ORC5: variants seen among roughly 807,000 people sequenced by gnomAD.
ORC5 encodes protein phosphatase 1, regulatory subunit 117.
A neutral mutation model predicts 58.8 loss-of-function variants in ORC5; 39 were observed. That is an observed-to-expected ratio of 0.66 (90% CI 0.51 to 0.87). The LOEUF (loss-of-function observed/expected upper bound fraction) is 0.87, where lower values mean the gene tolerates loss of function less well. Ranked by LOEUF, ORC5 falls within the 40% of genes least tolerant of loss-of-function variation. The pLI is 0.00. For synonymous variants in ORC5, 218 were observed against 177.6 expected, an observed-to-expected ratio of 1.23 and a Z score of -1.81; for missense variants, 493 against 506.3, an observed-to-expected ratio of 0.97 and a Z score of 0.25.
intron 12 of ORC5, among the ~76,000 whole-genome samples, chr7:104,137,776 C>T (rs1046283625): frequency 1.6e-4 from 24 of 152,286 alleles, no homozygotes; most frequent in African/African-American, 5.3e-4. Flanking sequence ...CATCCTCCTT[C>T]GGGCTCCCCA....
At chr7:104,195,942 T>C (rs1278624354) in intron 4 of ORC5, among the ~76,000 whole-genome samples, 1 of 152,186 alleles carries the variant, frequency 6.6e-6, no homozygotes, top group Non-Finnish European at 1.5e-5. Context: ...ATATCCACCA[T>C]ATTTTAAACT....
intron 8 of ORC5, among the ~76,000 whole-genome samples, chr7:104,175,362 T>C (rs1442702093): frequency 6.6e-6 from 1 of 152,236 alleles, no homozygotes; most frequent in African/African-American, 2.4e-5. Context: ...ACTTTGAATC[T>C]AGTAACTTTT....
rs367773103 is a variant in ORC5 at position 104,196,001 on chromosome 7, T to G, written c.442-747A>C. On this transcript the variant is annotated intron_variant, in intron 4 of 13. Transcript: ENST00000297431. Reference sequence around the variant, plus strand: ...AACATAAAAAAATGAGAAATGCTTTTGCCAGATTTCTCTTAAATGAAATAC... The same window carrying G: ...AACATAAAAAAATGAGAAATGCTTTGGCCAGATTTCTCTTAAATGAAATAC... 4.6e-5 allele frequency among the ~76,000 whole-genome samples: 7 copies of G among 152,364 alleles called. No homozygotes were observed. In the East Asian group the frequency reaches 1.2e-3, roughly 25 times the overall value.
Position 104,138,580 on chromosome 7 carries a change from G to T in ORC5, c.1150-1687C>A, listed in dbSNP as rs1344399390. 6.6e-6 allele frequency among the ~76,000 whole-genome samples: 1 copy of T among 151,826 alleles called. No homozygotes were observed. Among genetic ancestry groups the T allele is most frequent in the African/African-American group, 2.4e-5 (1 of 41,302 alleles). On this transcript the variant is annotated intron_variant, in intron 12 of 13. Coordinates refer to ENST00000297431, the MANE Select transcript of ORC5 (RefSeq NM_002553.4). This position sits in a 1 kb window ranked among gnomAD's most constrained non-coding sequence, Gnocchi z 4.7. Reference sequence around the variant, plus strand: ...GCTGGATTGCAGTGGCGCAATCATGGCTCACTGCAGCCTCAACCTCCCCAG... The same window carrying T: ...GCTGGATTGCAGTGGCGCAATCATGTCTCACTGCAGCCTCAACCTCCCCAG...
At chr7:104,164,101 T>C (rs1799068653) in intron 11 of ORC5, among the ~76,000 whole-genome samples, 1 of 152,202 alleles carries the variant, frequency 6.6e-6, no homozygotes, top group Non-Finnish European at 1.5e-5. Flanking sequence ...CCTTTTCTTA[T>C]TGGTTTGTAA....
At chr7:104,184,309 G>A (rs140233642) in intron 6 of ORC5, 138 bp from the exon 7 acceptor site, 122 of 623,560 alleles carry the variant, frequency 2.0e-4, no homozygotes, top group African/African-American at 1.9e-3. Flanking sequence ...GTAATTATAC[G>A]CAGTGGCATG....
At chr7:104,173,979 G>C (rs961933615) in intron 8 of ORC5, among the ~76,000 whole-genome samples, 1 of 149,852 alleles carries the variant, frequency 6.7e-6, no homozygotes, top group Non-Finnish European at 1.5e-5. Context: ...CAAGTAGCTG[G>C]GACTACAGGC....
chr7:104,152,652 CT>C (rs1798864898), intron 12 of ORC5, among the ~76,000 whole-genome samples: 2 of 152,070 alleles, frequency 1.3e-5, no homozygotes, highest in Admixed American at 1.3e-4. Flanking sequence ...TCCATACAAA[CT>C]TTTTTGTGTG....
intron 11 of ORC5, 61 bp downstream of exon 11, chr7:104,165,174 C>G (rs949232920): frequency 1.2e-6 from 1 of 809,100 alleles, no homozygotes; most frequent in Middle Eastern, 2.5e-4. Context: ...ACAGATGTAT[C>G]TATTTCCTAT....
intron 8 of ORC5, among the ~76,000 whole-genome samples, chr7:104,170,298 T>C (rs1047719667): frequency 2.0e-5 from 3 of 152,160 alleles, no homozygotes; most frequent in Non-Finnish European, 1.5e-5. Flanking sequence ...GATACCAAAG[T>C]CCAAATCCCT....
intron 6 of ORC5, chr7:104,187,530 C>T (rs187275488): frequency 6.4e-6 from 1 of 155,264 alleles, no homozygotes; most frequent in African/African-American, 2.4e-5. Flanking sequence ...TTTCCAGCCT[C>T]AGATATATTA....
At position 104,186,884 on chromosome 7, in the gene ORC5, A is replaced by G. The variant is rs536624580; in HGVS notation, c.684+1367T>C. 3.2e-3 allele frequency among the ~76,000 whole-genome samples: 494 copies of G among 152,346 alleles called. 2 individuals are homozygous for G. Among genetic ancestry groups the G allele is most frequent in the Middle Eastern group, 0.02 (6 of 294 alleles). On this transcript the variant is annotated intron_variant, in intron 6 of 13. Transcript: ENST00000297431. ...CACATTTATGAATATTATTTTTTAA[A>G]AAGCTGTAACCTCACCCTAAATAAA... is the stretch of plus-strand genomic sequence containing the variant.
chr7:104,180,820 T>C (rs905442115), intron 8 of ORC5, among the ~76,000 whole-genome samples: 2 of 152,192 alleles, frequency 1.3e-5, no homozygotes, highest in African/African-American at 2.4e-5. Context: ...AAGTCATAAT[T>C]GTGGTCATTA....
intron 12 of ORC5, among the ~76,000 whole-genome samples, chr7:104,160,387 C>A (rs538651750): frequency 3.9e-5 from 6 of 152,144 alleles, no homozygotes; most frequent in Non-Finnish European, 8.8e-5. Flanking sequence ...TCTGACATGA[C>A]TTTGCTTTTA....
At chr7:104,197,160 C>T (rs1799819317) in intron 4 of ORC5, among the ~76,000 whole-genome samples, 1 of 152,006 alleles carries the variant, frequency 6.6e-6, no homozygotes, top group Non-Finnish European at 1.5e-5. Context: ...TTTTTTTCCT[C>T]AACAATGTTA....
At chr7:104,146,613 T>G (rs1302424764) in intron 12 of ORC5, among the ~76,000 whole-genome samples, 1 of 152,114 alleles carries the variant, frequency 6.6e-6, no homozygotes, top group East Asian at 1.9e-4. Context: ...GACAAAATTC[T>G]AGAGGTAGCA....
intron 12 of ORC5, among the ~76,000 whole-genome samples, chr7:104,152,586 T>C (rs11762092): frequency 5.9e-5 from 9 of 152,186 alleles, no homozygotes; most frequent in Non-Finnish European, 1.3e-4. Flanking sequence ...TTTGCCTATA[T>C]AGTCACTATA....
At chr7:104,160,981 G>C in intron 12 of ORC5, 91 bp downstream of exon 12, 1 of 764,238 alleles carries the variant, frequency 1.3e-6, no homozygotes. Context: ...AACATATGTT[G>C]AACAAAAATC....
chr7:104,170,776 G>A (rs566027299), intron 8 of ORC5, among the ~76,000 whole-genome samples: 5 of 152,146 alleles, frequency 3.3e-5, no homozygotes, highest in African/African-American at 4.8e-5. Flanking sequence ...TTTCTGGAAC[G>A]TTTTCTTGGA....
Sources: allele counts gnomAD v4.1 joint callset (sites outside exome capture counted in the v4.1 genomes callset), GRCh38; gene constraint gnomAD v4.1.1; non-coding constraint Gnocchi (gnomAD v3.1); transcripts MANE v1.5; gene names NCBI Gene and HGNC (gene_info 2026-07-23, HGNC 2026-07-21).